Variants in CDKL1 observed in about 807,000 individuals in gnomAD.
CDKL1 encodes cyclin-dependent kinase-like 1.
Under a neutral mutation model 42.0 loss-of-function variants are expected in CDKL1, and 41 were observed. That is an observed-to-expected ratio of 0.98 (90% confidence interval 0.76 to 1.27). The LOEUF is 1.27. CDKL1 is among the 50% of genes most tolerant of loss of function. The pLI, the probability that CDKL1 is intolerant of heterozygous loss-of-function variation, is 0.00. For synonymous variants in CDKL1, 153 were observed against 158.6 expected (o/e 0.96, Z 0.26); for missense variants, 394 against 428.4 (o/e 0.92, Z 0.71).
At chr14:50,387,441 T>C (rs2035120005) in intron 2 of CDKL1, among the ~76,000 whole-genome samples, 1 of 152,008 alleles carries the variant, frequency 6.6e-6, no homozygotes, top group African/African-American at 2.4e-5. Flanking sequence ...GAGAATCGCT[T>C]GAGCCTGGGA....
chr14:50,330,335 AT>A, intron 9 of CDKL1, 154 bp from the exon 10 acceptor site: 1 of 904,772 alleles, frequency 1.1e-6, no homozygotes, highest in Non-Finnish European at 1.5e-6. Context: ...AAATGTTTCA[AT>A]TTCGTCTTGG....
At chr14:50,396,436 T>G (rs954869088) in intron 1 of CDKL1, 107 bp from the exon 2 acceptor site, 2 of 985,446 alleles carry the variant, frequency 2.0e-6, no homozygotes, top group South Asian at 9.4e-5. Context: ...GTAACCCGAT[T>G]TTAATCGCCC....
chr14:50,347,035 G>A (rs1244174092), intron 3 of CDKL1, among the ~76,000 whole-genome samples: 3 of 152,128 alleles, frequency 2.0e-5, no homozygotes, highest in African/African-American at 4.8e-5. Context: ...TATAAAAGGA[G>A]CATATAAAAG....
chr14:50,340,114 G>T (rs755592979), intron 6 of CDKL1, among the ~76,000 whole-genome samples: 5 of 152,144 alleles, frequency 3.3e-5, no homozygotes, highest in Non-Finnish European at 7.3e-5. Flanking sequence ...ACATGGGGAG[G>T]CTGTCCTAAA....
At chr14:50,358,237 G>T in intron 3 of CDKL1, 2 of 887,154 alleles carry the variant, frequency 2.3e-6, no homozygotes, top group Non-Finnish European at 3.0e-6. Context: ...TTTCACCTAT[G>T]CTTGCTTCAG....
At chr14:50,376,874 C>T (rs2034748460) in intron 2 of CDKL1, among the ~76,000 whole-genome samples, 3 of 152,036 alleles carry the variant, frequency 2.0e-5, no homozygotes, top group African/African-American at 7.2e-5. Flanking sequence ...TGGAAAGAAA[C>T]AAGGTCGATA....
At chr14:50,391,189 C>T (rs952837622) in intron 2 of CDKL1, among the ~76,000 whole-genome samples, 6 of 152,208 alleles carry the variant, frequency 3.9e-5, no homozygotes, top group Middle Eastern at 6.8e-3. Context: ...TCTCTGTAAT[C>T]TGACTTCTGT....
At chr14:50,330,366 A>C (rs1249928391) in intron 9 of CDKL1, 185 bp from the exon 10 acceptor site, 2 of 647,682 alleles carry the variant, frequency 3.1e-6, no homozygotes, top group Non-Finnish European at 4.7e-6. Flanking sequence ...TTAAATGTTT[A>C]TATTAAAAAG....
intron 2 of CDKL1, among the ~76,000 whole-genome samples, chr14:50,360,015 T>C (rs1418679209): frequency 1.3e-5 from 2 of 152,134 alleles, no homozygotes; most frequent in Non-Finnish European, 2.9e-5. Flanking sequence ...CCTTCTGCAG[T>C]GCCCATTCAC....
At position 50,382,930 on chromosome 14, in the gene CDKL1, GT is replaced by G. The variant is rs35801058; in HGVS notation, c.168+12770del. 7.3e-3 allele frequency among the ~76,000 whole-genome samples: 1,030 copies of G among 140,828 alleles called. 5 individuals carry two copies. The highest frequency in any genetic ancestry group is 0.011 in the Middle Eastern group (3 of 274). 92.4% of individuals were successfully genotyped at this position (140,828 alleles called of 152,430 possible). A position where few individuals can be genotyped will look rare whatever the true frequency, so the allele number is the denominator to read the frequency against. The stretch of plus-strand genomic sequence containing the variant: ...CTTTTAGTGTGGTTTACAGTTTTTT[GT>G]TTTTTTTTTTTTTTGAGACGGAGTC... On this transcript the variant is annotated intron_variant, in intron 2 of 9. Transcript: ENST00000395834.
At chr14:50,384,155 C>A (rs999956941) in intron 2 of CDKL1, among the ~76,000 whole-genome samples, 1 of 152,124 alleles carries the variant, frequency 6.6e-6, no homozygotes, top group Non-Finnish European at 1.5e-5. Context: ...TACTGACAAC[C>A]AGTTTACATA....
intron 5 of CDKL1, 90 bp downstream of exon 5, chr14:50,342,042 T>C (rs2033561082): frequency 3.1e-6 from 3 of 981,426 alleles, no homozygotes; most frequent in Admixed American, 1.9e-5. Context: ...ACAAGTACTA[T>C]CTTGTATACT....
chr14:50,373,001 T>C (rs567162188), intron 2 of CDKL1, among the ~76,000 whole-genome samples: 19 of 152,336 alleles, frequency 1.2e-4, no homozygotes, highest in Non-Finnish European at 2.5e-4. Context: ...TTTCTCATGA[T>C]AGCTTTAGCT....
intron 3 of CDKL1, among the ~76,000 whole-genome samples, chr14:50,349,925 C>T (rs549136797): frequency 6.6e-6 from 1 of 152,282 alleles, no homozygotes; most frequent in African/African-American, 2.4e-5. Context: ...CACACCACCA[C>T]ACCCAGCTAA....
At chr14:50,364,656 G>A (rs1404479207) in intron 2 of CDKL1, among the ~76,000 whole-genome samples, 1 of 152,174 alleles carries the variant, frequency 6.6e-6, no homozygotes, top group Non-Finnish European at 1.5e-5. Context: ...GTAGGCCTCA[G>A]TTTTCCATCT....
At chr14:50,382,223 C>T (rs1184811689) in intron 2 of CDKL1, among the ~76,000 whole-genome samples, 1 of 152,152 alleles carries the variant, frequency 6.6e-6, no homozygotes, top group Non-Finnish European at 1.5e-5. Flanking sequence ...GAGGCCGAGG[C>T]AGGCGGATCA....
rs528014354 is a variant in CDKL1, at chr14:50,362,001, TG to T, written c.169-2853del. Reference sequence around the variant, plus strand: ...GGCGAGTTCCGGGTGGGCATGGGCTTGGGGGGCCCGGCACTCTAGCGGCCCC... The same window carrying T: ...GGCGAGTTCCGGGTGGGCATGGGCTTGGGGGCCCGGCACTCTAGCGGCCCC... On this transcript the variant is annotated intron_variant, in intron 2 of 9. Transcript: ENST00000395834. Among the ~76,000 whole-genome samples the T allele has an allele frequency of 1.8e-4, 28 of 152,262 alleles. No individual in the cohort carries two copies. In the East Asian group the frequency reaches 5.4e-3, roughly 29 times the overall value.
chr14:50,342,987 C>G (rs191157858), intron 4 of CDKL1: 6 of 1,355,812 alleles, frequency 4.4e-6, no homozygotes, highest in Middle Eastern at 4.2e-4. Flanking sequence ...GAGATGCGGC[C>G]CCCCCTCCAG....
chr14:50,378,073 T>A, intron 2 of CDKL1: 1 of 1,071,376 alleles, frequency 9.3e-7, no homozygotes. Flanking sequence ...TAGGGACATC[T>A]ACGAGAAAGA....
Sources: gnomAD v4.1 joint callset for allele counts (sites outside exome capture counted in the v4.1 genomes callset) on GRCh38, gnomAD v4.1.1 for gene constraint, MANE v1.5 for transcripts, NCBI Gene and HGNC (gene_info 2026-07-23, HGNC 2026-07-21) for gene names.